The following VWA8 variants were observed in gnomAD, a reference collection of about 807,000 sequenced individuals.
VWA8 encodes the protein von Willebrand factor A domain containing 8, also known as von Willebrand factor A domain-containing protein 8.
A neutral mutation model predicts 241.5 loss-of-function variants in VWA8; 221 were observed. That is an observed-to-expected ratio of 0.91 (90% CI 0.82 to 1.02). The LOEUF (loss-of-function observed/expected upper bound fraction) is 1.02. Among genes scored for constraint, VWA8 ranks in the 50% least tolerant of loss-of-function variants. The pLI is 0.00. For synonymous variants in VWA8, 852 were observed against 827.1 expected (o/e 1.03, Z -0.52); for missense variants, 2,322 against 2,328.7 (o/e 1.00, Z 0.06).
chr13:41,722,166 T>G (rs1396301578), intron 24 of VWA8, among the ~76,000 whole-genome samples: 1 of 152,204 alleles, frequency 6.6e-6, no homozygotes, highest in African/African-American at 2.4e-5. Context: ...AAAAAATTTG[T>G]ATCTTGTGCA....
At chr13:41,891,110 AG>A (rs1268848791) in intron 5 of VWA8, among the ~76,000 whole-genome samples, 2 of 151,894 alleles carry the variant, frequency 1.3e-5, no homozygotes, top group Admixed American at 6.6e-5. Context: ...AGAGAAAGAA[AG>A]GGGGGAAAAA....
intron 37 of VWA8, among the ~76,000 whole-genome samples, chr13:41,638,873 G>C (rs1439695827): frequency 6.6e-6 from 1 of 152,136 alleles, no homozygotes; most frequent in Non-Finnish European, 1.5e-5. Context: ...GTGAGAGAGA[G>C]AGAATGTGAT....
At chr13:41,816,579 AG>A in intron 16 of VWA8, 118 bp downstream of exon 16, 1 of 913,174 alleles carries the variant, frequency 1.1e-6, no homozygotes, top group Non-Finnish European at 1.7e-6. Flanking sequence ...GCATAGCATA[AG>A]GGATTCCAAA....
chr13:41,713,723 T>C (rs2045332139), intron 26 of VWA8, among the ~76,000 whole-genome samples: 1 of 152,198 alleles, frequency 6.6e-6, no homozygotes, highest in Non-Finnish European at 1.5e-5. Flanking sequence ...AAAGCACTGA[T>C]ACTAATGTTT....
chr13:41,613,504 C>T (rs1192806603), intron 38 of VWA8, among the ~76,000 whole-genome samples: 1 of 152,188 alleles, frequency 6.6e-6, no homozygotes, highest in South Asian at 2.1e-4. Context: ...TGAAAGCTTC[C>T]TAGGTGCTGA....
chr13:41,584,661 T>C (rs1397952917), intron 42 of VWA8, among the ~76,000 whole-genome samples: 1 of 152,206 alleles, frequency 6.6e-6, no homozygotes, highest in Non-Finnish European at 1.5e-5. Flanking sequence ...TGTTAAGAAT[T>C]TAATGGCATA....
At chr13:41,624,235 G>A (rs2044674638) in intron 37 of VWA8, among the ~76,000 whole-genome samples, 1 of 152,078 alleles carries the variant, frequency 6.6e-6, no homozygotes, top group African/African-American at 2.4e-5. Context: ...GCTGAATTCT[G>A]CCAAATGTGT....
intron 12 of VWA8, 75 bp downstream of exon 12, chr13:41,865,661 G>T (rs879077629): frequency 6.6e-7 from 1 of 1,508,606 alleles, no homozygotes; most frequent in African/African-American, 1.4e-5. Flanking sequence ...ATAACAAGAA[G>T]ATATCCATAA....
At chr13:41,879,491 T>G (rs9566873) in intron 9 of VWA8, among the ~76,000 whole-genome samples, 6,607 of 152,004 alleles carry the variant, frequency 0.043, 166 homozygotes, top group East Asian at 0.11. Flanking sequence ...GTCTCTTTAT[T>G]GACCATTATT....
In VWA8 at chr13:41,931,280, A is replaced by T. The variant is rs1410153603; in HGVS notation, c.241+18656T>A. 1.9e-3 allele frequency among the ~76,000 whole-genome samples: 38 copies of T among 20,008 alleles called. 1 individual carries two copies. In the South Asian group the frequency reaches 0.098, roughly 52 times the overall value. The allele number at this position is 20,008 out of a possible 152,430, so 13.1% of individuals were successfully genotyped here. On this transcript the variant is annotated intron_variant, in intron 2 of 44. Coordinates refer to ENST00000379310, the MANE Select transcript of VWA8 (RefSeq NM_015058.2). ...AGAGAAATAAACCAGACCCAGGGTT[A>T]AAAAAAAAAAAAAAAAAAAAAAAAC... is the stretch of plus-strand genomic sequence containing the variant.
rs77656685 is a variant in VWA8, at chr13:41,600,463, G to A, written c.4986+4705C>T. 2.2e-4 allele frequency among the ~76,000 whole-genome samples: 33 copies of A among 152,090 alleles called. No homozygotes were observed. In the East Asian group the frequency reaches 2.9e-3, roughly 13 times the overall value. On this transcript the variant is annotated intron_variant, in intron 40 of 44. Coordinates refer to ENST00000379310, the MANE Select transcript of VWA8 (RefSeq NM_015058.2). ...GTGACATGTAGACGTTCCTTGACTCGGCTGTTCTCACCCTTCCCCTCTCTT... is the reference window on the plus strand; with the variant it reads ...GTGACATGTAGACGTTCCTTGACTCAGCTGTTCTCACCCTTCCCCTCTCTT...
intron 37 of VWA8, among the ~76,000 whole-genome samples, chr13:41,656,817 A>T (rs1283838070): frequency 6.6e-6 from 1 of 152,226 alleles, no homozygotes; most frequent in Non-Finnish European, 1.5e-5. Context: ...ATCACTTGGA[A>T]GGAGCTGGCT....
At chr13:41,688,610 C>T (rs760419302) in intron 34 of VWA8, among the ~76,000 whole-genome samples, 2 of 152,032 alleles carry the variant, frequency 1.3e-5, no homozygotes, top group Non-Finnish European at 2.9e-5. Context: ...AACCTGGATG[C>T]TGCAAAGATA....
At position 41,912,030 on chromosome 13, in the gene VWA8, C is replaced by T. The variant is rs1437963339; in HGVS notation, c.372+8G>A. ...ACCCTTAGAAATTGACAAGAATTAA[C>T]TGCTCACCAAGTACTGCATAGCAAT... On this transcript the variant is annotated splice_region_variant and intron_variant, in intron 3 of 44. Transcript: ENST00000379310. 6.4e-7 allele frequency: 1 copy of T among 1,562,100 alleles called. No individual in the cohort carries two copies. Among genetic ancestry groups the T allele is most frequent in the Non-Finnish European group, 8.7e-7 (1 of 1,154,060 alleles).
intron 9 of VWA8, among the ~76,000 whole-genome samples, chr13:41,881,678 G>A (rs77659697): frequency 0.063 from 575 of 9,088 alleles, no homozygotes; most frequent in East Asian, 0.077. Flanking sequence ...AGGGGCGGCC[G>A]GGCAGAGGCG....
At chr13:41,655,122 G>A (rs928342970) in intron 37 of VWA8, among the ~76,000 whole-genome samples, 6 of 148,018 alleles carry the variant, frequency 4.1e-5, no homozygotes, top group Middle Eastern at 3.5e-3. Flanking sequence ...ACAGAGTCTC[G>A]CTCGTGGCCC....
intron 1 of VWA8, 35 bp downstream of exon 1, chr13:41,960,818 G>A (rs2138179265): frequency 4.6e-6 from 7 of 1,505,542 alleles, no homozygotes; most frequent in East Asian, 2.7e-5. Context: ...GGAGCGCAGG[G>A]GCACCAGGGA....
intron 37 of VWA8, among the ~76,000 whole-genome samples, chr13:41,656,340 G>A (rs73181196): frequency 0.08 from 12,105 of 152,194 alleles, 649 homozygotes; most frequent in Non-Finnish European, 0.12. Flanking sequence ...CACCAGCAAC[G>A]TGAAATGTAG....
intron 37 of VWA8, among the ~76,000 whole-genome samples, chr13:41,619,639 G>A (rs1436253944): frequency 2.6e-5 from 4 of 152,136 alleles, no homozygotes; most frequent in Non-Finnish European, 4.4e-5. Flanking sequence ...TTTGAGATAC[G>A]TTCCATCAAT....
Sources: allele counts gnomAD v4.1 joint callset (sites outside exome capture counted in the v4.1 genomes callset), GRCh38; gene constraint gnomAD v4.1.1; transcripts MANE v1.5; gene names NCBI Gene and HGNC (gene_info 2026-07-23, HGNC 2026-07-21).